Variants in PELI2 observed in about 807,000 individuals in gnomAD.
PELI2 encodes the protein E3 ubiquitin-protein ligase pellino homolog 2.
A neutral mutation model predicts 42.3 loss-of-function variants in PELI2; 23 were observed. The ratio of observed to expected loss-of-function variants is 0.54; its 90% CI spans 0.39 to 0.77. The LOEUF is 0.77. Ranked by LOEUF, PELI2 falls within the 30% of genes least tolerant of loss-of-function variation. The pLI is 0.00. For synonymous variants in PELI2, 245 were observed against 212.2 expected, an observed-to-expected ratio of 1.15 and a Z score of -1.34; for missense variants, 463 against 553.2, an observed-to-expected ratio of 0.84 and a Z score of 1.64.
intron 2 of PELI2, among the ~76,000 whole-genome samples, chr14:56,277,848 T>C (rs1330379918): frequency 6.6e-6 from 1 of 152,216 alleles, no homozygotes; most frequent in Non-Finnish European, 1.5e-5. Context: ...TGAGGGCTGC[T>C]CCCCAGACAT....
chr14:56,213,637 C>G (rs1886789487), intron 2 of PELI2, among the ~76,000 whole-genome samples: 2 of 151,928 alleles, frequency 1.3e-5, no homozygotes, highest in Admixed American at 6.6e-5. Flanking sequence ...ATGGAGGAAG[C>G]AAAAATGTGT....
At chr14:56,271,798 CTGT>C (rs1442058445) in intron 2 of PELI2, among the ~76,000 whole-genome samples, 1 of 152,176 alleles carries the variant, frequency 6.6e-6, no homozygotes, top group East Asian at 1.9e-4. Flanking sequence ...ATCGGGCAGG[CTGT>C]TAGAGAACCT....
chr14:56,187,420 A>G (rs1885805499), intron 2 of PELI2, among the ~76,000 whole-genome samples: 1 of 152,200 alleles, frequency 6.6e-6, no homozygotes, highest in Non-Finnish European at 1.5e-5. Context: ...CCTGTTCTAC[A>G]AAAGCAAAAA....
chr14:56,208,712 T>A (rs1886606019), intron 2 of PELI2, among the ~76,000 whole-genome samples: 2 of 152,204 alleles, frequency 1.3e-5, no homozygotes, highest in Non-Finnish European at 2.9e-5. Context: ...AAATGGGAAG[T>A]ACATAGATAG....
At position 56,201,990 on chromosome 14, in the gene PELI2, C is replaced by T. The variant is rs546125011; in HGVS notation, c.207+23526C>T. ...GTTTAACTTATCTATTCTCACAACC[C>T]GATGAGGTAAATTCTATTGCCCTGT... On this transcript the variant is annotated intron_variant, in intron 2 of 5. Coordinates refer to ENST00000267460, the MANE Select transcript of PELI2 (RefSeq NM_021255.3). 5.9e-5 allele frequency among the ~76,000 whole-genome samples: 9 copies of T among 152,270 alleles called. No individual in the cohort carries two copies. In the East Asian group the frequency reaches 9.6e-4, roughly 16 times the overall value.
Position 56,288,482 on chromosome 14 carries a change from A to G in PELI2, c.355A>G (p.Thr119Ala). Residue 119 changes from threonine (T) to alanine (A), a missense_variant, in exon 4 of 6, where the codon ACG becomes GCG. By Grantham distance (58) the Thr-to-Ala change is moderately conservative. This residue lies in a region of PELI2 where 343 missense variants were observed against 378.4 expected (regional missense o/e 0.91). Transcript: ENST00000267460. The surrounding 1 kb of genome is among the most constrained non-coding windows in gnomAD (Gnocchi z 4.6). ...ESPIDFVVTD[T>A]ISGSQNTDEA... ...CCCTATCGACTTCGTTGTCACAGACACGATTTCTGGCAGCCAGAACACGGA... is the reference window on the plus strand; with the variant it reads ...CCCTATCGACTTCGTTGTCACAGACGCGATTTCTGGCAGCCAGAACACGGA... 6.2e-7 allele frequency: 1 copy of G among 1,614,132 alleles called. No individual in the cohort carries two copies. The highest frequency in any genetic ancestry group is 8.5e-7 in the Non-Finnish European group (1 of 1,179,988).
chr14:56,140,755 C>G (rs1017639554), intron 1 of PELI2, among the ~76,000 whole-genome samples: 2 of 152,098 alleles, frequency 1.3e-5, no homozygotes, highest in Non-Finnish European at 2.9e-5. Context: ...TTGGTTTAAC[C>G]ACAAGATGGA....
chr14:56,124,103 A>G (rs1396614051), intron 1 of PELI2, among the ~76,000 whole-genome samples: 1 of 152,234 alleles, frequency 6.6e-6, no homozygotes, highest in East Asian at 1.9e-4. Context: ...TAATTCAGTT[A>G]TTAGTTCTTA....
intron 2 of PELI2, among the ~76,000 whole-genome samples, chr14:56,229,587 C>G (rs1025358524): frequency 1.3e-5 from 2 of 152,204 alleles, no homozygotes; most frequent in African/African-American, 4.8e-5. Context: ...AAAACCCCAT[C>G]TGTACGTCAC....
At chr14:56,121,484 G>A (rs946561440) in intron 1 of PELI2, among the ~76,000 whole-genome samples, 2 of 152,154 alleles carry the variant, frequency 1.3e-5, no homozygotes, top group African/African-American at 2.4e-5. Context: ...CATGATTCCA[G>A]CCAGTTAATG....
In PELI2 at chr14:56,139,878, C is replaced by CT. The variant is rs562739955; in HGVS notation, c.77+21143dup. ...CTTTGGAAGGGGTGATGCAAACCAG[C>CT]TTCTTTACTAAAAAAAAAAGGTGAG... On this transcript the variant is annotated intron_variant, in intron 1 of 5. Coordinates refer to ENST00000267460, the MANE Select transcript of PELI2 (RefSeq NM_021255.3). 2.7e-3 allele frequency among the ~76,000 whole-genome samples: 405 copies of CT among 151,100 alleles called. 1 individual carries two copies. The highest frequency in any genetic ancestry group is 9.4e-3 in the African/African-American group (387 of 41,050).
At chr14:56,185,636 A>G (rs1885745855) in intron 2 of PELI2, among the ~76,000 whole-genome samples, 1 of 152,346 alleles carries the variant, frequency 6.6e-6, no homozygotes, top group Non-Finnish European at 1.5e-5. Flanking sequence ...TGAATACTTC[A>G]AGAAAGTAGA....
intron 2 of PELI2, among the ~76,000 whole-genome samples, chr14:56,215,973 T>C (rs1886894219): frequency 1.3e-5 from 2 of 152,232 alleles, no homozygotes; most frequent in Non-Finnish European, 1.5e-5. Flanking sequence ...AATAATATGA[T>C]TTTATTTTTA....
chr14:56,169,919 C>T (rs977612776), intron 1 of PELI2, among the ~76,000 whole-genome samples: 2 of 152,148 alleles, frequency 1.3e-5, no homozygotes, highest in Non-Finnish European at 2.9e-5. Context: ...TTTCATAAAA[C>T]CAATGTTAGG....
chr14:56,147,467 A>G (rs1231032609), intron 1 of PELI2, among the ~76,000 whole-genome samples: 1 of 152,170 alleles, frequency 6.6e-6, no homozygotes, highest in African/African-American at 2.4e-5. Context: ...TATGAAAATC[A>G]CTGGTGGGAT....
intron 1 of PELI2, among the ~76,000 whole-genome samples, chr14:56,145,882 T>C (rs1884096608): frequency 6.6e-6 from 1 of 152,220 alleles, no homozygotes; most frequent in Non-Finnish European, 1.5e-5. Context: ...ACTTTTGTTA[T>C]AATATTACTG....
At chr14:56,228,059 C>T (rs533724520) in intron 2 of PELI2, among the ~76,000 whole-genome samples, 30 of 152,308 alleles carry the variant, frequency 2.0e-4, no homozygotes, top group African/African-American at 4.8e-4. Flanking sequence ...TCCTAATATA[C>T]GTAGTACAAT....
At chr14:56,292,946 C>A in intron 5 of PELI2, 1 of 434,444 alleles carries the variant, frequency 2.3e-6, no homozygotes, top group Non-Finnish European at 3.1e-6. Context: ...TTAAACTAAA[C>A]TGGCTTTGTA....
intron 1 of PELI2, among the ~76,000 whole-genome samples, chr14:56,169,251 G>C (rs1885081476): frequency 6.6e-6 from 1 of 152,142 alleles, no homozygotes; most frequent in Non-Finnish European, 1.5e-5. Context: ...TCTGGGCCTA[G>C]CTCATCACTA....
Sources: allele counts gnomAD v4.1 joint callset (sites outside exome capture counted in the v4.1 genomes callset), GRCh38; gene constraint gnomAD v4.1.1; regional missense constraint gnomAD v4.1.1; non-coding constraint Gnocchi (gnomAD v3.1); transcripts MANE v1.5; gene names NCBI Gene and HGNC (gene_info 2026-07-23, HGNC 2026-07-21).